The following NOS1AP variants were observed in gnomAD, a reference collection of about 807,000 sequenced individuals.
NOS1AP encodes nitric oxide synthase 1 adaptor protein.
In NOS1AP, 21 loss-of-function variants were observed where a neutral mutation model predicts 56.2. That is an observed-to-expected ratio of 0.37 (90% CI 0.26 to 0.54). The LOEUF (loss-of-function observed/expected upper bound fraction) is 0.54, where lower values mean the gene tolerates loss of function less well. Among genes scored for constraint, NOS1AP ranks in the 20% least tolerant of loss-of-function variants. The probability of loss-of-function intolerance (pLI) is 0.84; values close to 1 mark genes in which losing one functional copy is unlikely to be tolerated. For synonymous variants in NOS1AP, 270 were observed against 274.6 expected, an observed-to-expected ratio of 0.98 and a Z score of 0.17; for missense variants, 522 against 657.8, an observed-to-expected ratio of 0.79 and a Z score of 2.26.
chr1:162,142,819 G>T (rs981810169), intron 1 of NOS1AP, among the ~76,000 whole-genome samples: 5 of 152,168 alleles, frequency 3.3e-5, no homozygotes, highest in Non-Finnish European at 7.3e-5. Context: ...GTATGTAAAG[G>T]TTATTCTGGC....
chr1:162,167,459 C>T lies in NOS1AP; in HGVS notation c.177+12983C>T, dbSNP rs183411422. Among the ~76,000 whole-genome samples, 207 of 152,362 alleles carry T rather than the reference C, an allele frequency of 1.4e-3. 1 individual carries two copies. Among genetic ancestry groups the T allele is most frequent in the African/African-American group, 4.7e-3 (196 of 41,586 alleles). ...GGGTCCTCCCCTCTAGAGGCCACAG[C>T]GGAGAGAGCTGGGCTCTGGACCGGG... On this transcript the variant is annotated intron_variant, in intron 2 of 9. Coordinates refer to ENST00000361897, the MANE Select transcript of NOS1AP (RefSeq NM_014697.3).
chr1:162,348,044 C>T (rs906536111), intron 6 of NOS1AP, among the ~76,000 whole-genome samples: 2 of 152,214 alleles, frequency 1.3e-5, no homozygotes, highest in Admixed American at 6.5e-5. Context: ...ATTTAGTCCA[C>T]TGTGTACCAG....
chr1:162,283,261 T>C (rs1654992477), intron 2 of NOS1AP, among the ~76,000 whole-genome samples: 1 of 152,182 alleles, frequency 6.6e-6, no homozygotes, highest in East Asian at 1.9e-4. Flanking sequence ...GCTAAATGTG[T>C]GAGGAGCATC....
At chr1:162,136,918 A>C (rs567062875) in intron 1 of NOS1AP, among the ~76,000 whole-genome samples, 2 of 152,340 alleles carry the variant, frequency 1.3e-5, no homozygotes, top group Admixed American at 6.5e-5. Context: ...ACCAGAGTGC[A>C]GGTCAGAGTG....
chr1:162,153,165 A>T (rs1649788850), intron 1 of NOS1AP, among the ~76,000 whole-genome samples: 1 of 152,202 alleles, frequency 6.6e-6, no homozygotes, highest in African/African-American at 2.4e-5. Context: ...GCCTCAGTCC[A>T]TCACCTGGGC....
At chr1:162,217,144 G>C (rs1225234413) in intron 2 of NOS1AP, among the ~76,000 whole-genome samples, 1 of 151,976 alleles carries the variant, frequency 6.6e-6, no homozygotes, top group African/African-American at 2.4e-5. Context: ...CTTTCACATG[G>C]GGAAGCTTAG....
chr1:162,253,532 C>T (rs1348174476), intron 2 of NOS1AP, among the ~76,000 whole-genome samples: 1 of 152,190 alleles, frequency 6.6e-6, no homozygotes, highest in Non-Finnish European at 1.5e-5. Flanking sequence ...TCTCACTTTT[C>T]ATCCTTAGAA....
At chr1:162,320,936 C>A (rs920729338) in intron 4 of NOS1AP, among the ~76,000 whole-genome samples, 4 of 152,056 alleles carry the variant, frequency 2.6e-5, no homozygotes, top group African/African-American at 9.7e-5. Context: ...TCATTTTTCT[C>A]CCCCACTTTT....
intron 2 of NOS1AP, among the ~76,000 whole-genome samples, chr1:162,169,902 A>T (rs7546353): frequency 6.6e-6 from 1 of 151,930 alleles, no homozygotes; most frequent in Non-Finnish European, 1.5e-5. Flanking sequence ...TCACTTGGCC[A>T]TTCTGCCTTT....
At chr1:162,230,495 T>C (rs919098782) in intron 2 of NOS1AP, among the ~76,000 whole-genome samples, 3 of 152,236 alleles carry the variant, frequency 2.0e-5, no homozygotes, top group Non-Finnish European at 4.4e-5. Context: ...AAAAAGAATC[T>C]GGTGATACTA....
At chr1:162,304,506 T>C (rs1655756969) in intron 4 of NOS1AP, among the ~76,000 whole-genome samples, 2 of 152,226 alleles carry the variant, frequency 1.3e-5, no homozygotes, top group African/African-American at 2.4e-5. Context: ...TCTTTTTCCA[T>C]CCATTCACTT....
intron 2 of NOS1AP, among the ~76,000 whole-genome samples, chr1:162,281,555 C>T (rs1026174808): frequency 1.3e-5 from 2 of 152,128 alleles, no homozygotes; most frequent in Admixed American, 6.5e-5. Context: ...GTTGGCTTCA[C>T]TGTGTAGAAG....
chr1:162,338,735 G>T (rs1657014119), intron 5 of NOS1AP: 1 of 152,136 alleles, frequency 6.6e-6, no homozygotes, highest in Non-Finnish European at 1.5e-5. Context: ...ATAAAATCAT[G>T]ATTGACTATA....
At chr1:162,167,427 T>G (rs1650552273) in intron 2 of NOS1AP, among the ~76,000 whole-genome samples, 1 of 152,262 alleles carries the variant, frequency 6.6e-6, no homozygotes, top group South Asian at 2.1e-4. Flanking sequence ...GAGCCCAGGA[T>G]AAGGCAGGGT....
chr1:162,121,930 G>A (rs967140885), intron 1 of NOS1AP, among the ~76,000 whole-genome samples: 3 of 152,082 alleles, frequency 2.0e-5, no homozygotes, highest in African/African-American at 7.2e-5. Flanking sequence ...CTGTAGTTAA[G>A]GTCCTTTGAA....
At chr1:162,228,096 A>G (rs1378444340) in intron 2 of NOS1AP, among the ~76,000 whole-genome samples, 1 of 152,246 alleles carries the variant, frequency 6.6e-6, no homozygotes, top group Admixed American at 6.5e-5. Flanking sequence ...AGAGATCAAC[A>G]TAGCTGAAGA....
intron 4 of NOS1AP, among the ~76,000 whole-genome samples, chr1:162,322,146 T>C (rs545207535): frequency 1.3e-5 from 2 of 152,168 alleles, no homozygotes; most frequent in Non-Finnish European, 2.9e-5. Flanking sequence ...CAAATCAGAA[T>C]GGCCTGGACA....
intron 2 of NOS1AP, among the ~76,000 whole-genome samples, chr1:162,247,542 T>C (rs1653703668): frequency 6.6e-6 from 1 of 152,168 alleles, no homozygotes; most frequent in African/African-American, 2.4e-5. Context: ...TTATAAAGGG[T>C]CTGAAAGATA....
At chr1:162,324,891 G>T (rs1442016973) in intron 4 of NOS1AP, among the ~76,000 whole-genome samples, 1 of 152,198 alleles carries the variant, frequency 6.6e-6, no homozygotes, top group Non-Finnish European at 1.5e-5. Context: ...CTTCCTTCCA[G>T]ACTGTGCTGC....
Sources: allele counts gnomAD v4.1 joint callset (sites outside exome capture counted in the v4.1 genomes callset), GRCh38; gene constraint gnomAD v4.1.1; transcripts MANE v1.5; gene names NCBI Gene and HGNC (gene_info 2026-07-23, HGNC 2026-07-21).